Variants in RABGAP1L observed in about 807,000 individuals in gnomAD.
The protein encoded by RABGAP1L is rab GTPase-activating protein 1-like.
Under a neutral mutation model 137.7 loss-of-function variants are expected in RABGAP1L, and 63 were observed. That is an observed-to-expected ratio of 0.46 (90% CI 0.37 to 0.56). The LOEUF is 0.56. Among genes scored for constraint, RABGAP1L ranks in the 20% least tolerant of loss-of-function variants. RABGAP1L has a pLI of 0.00. For missense variants in RABGAP1L, 1,095 were observed against 1,244.0 expected (o/e 0.88, Z 1.80); for synonymous variants, 431 against 433.7 (o/e 0.99, Z 0.08).
intron 18 of RABGAP1L, chr1:174,800,245 A>G: frequency 6.8e-7 from 1 of 1,462,474 alleles, no homozygotes; most frequent in Non-Finnish European, 9.0e-7. Flanking sequence ...TCCCAGGGAG[A>G]CCTAAACCTG....
At chr1:174,259,939 ATTC>A (rs1673446861) in intron 7 of RABGAP1L, among the ~76,000 whole-genome samples, 1 of 151,880 alleles carries the variant, frequency 6.6e-6, no homozygotes, top group South Asian at 2.1e-4. Context: ...GGTTCAAGCA[ATTC>A]TTCTGCCTCA....
intron 14 of RABGAP1L, among the ~76,000 whole-genome samples, chr1:174,642,351 G>T (rs1420474061): frequency 1.3e-5 from 2 of 152,062 alleles, no homozygotes; most frequent in Admixed American, 1.3e-4. Flanking sequence ...AAAAACTAGA[G>T]CAGTTAAAGT....
chr1:174,308,522 T>C (rs944993152), intron 11 of RABGAP1L, among the ~76,000 whole-genome samples: 19 of 152,160 alleles, frequency 1.2e-4, no homozygotes, highest in African/African-American at 4.6e-4. Flanking sequence ...CTTTAATCCA[T>C]TTTTAGTTTA....
intron 19 of RABGAP1L, among the ~76,000 whole-genome samples, chr1:174,951,017 A>G (rs1467804557): frequency 6.6e-6 from 1 of 152,224 alleles, no homozygotes; most frequent in African/African-American, 2.4e-5. Flanking sequence ...AAAACTGAGC[A>G]CAGGAGAAAT....
At chr1:174,932,742 T>C (rs1312716377) in intron 19 of RABGAP1L, among the ~76,000 whole-genome samples, 1 of 152,238 alleles carries the variant, frequency 6.6e-6, no homozygotes, top group African/African-American at 2.4e-5. Context: ...TTCAGTATTA[T>C]ATCTTATTCT....
At chr1:174,506,964 A>G (rs1425564967) in intron 13 of RABGAP1L, among the ~76,000 whole-genome samples, 1 of 152,148 alleles carries the variant, frequency 6.6e-6, no homozygotes, top group African/African-American at 2.4e-5. Context: ...TACAAAAATT[A>G]GCTGGATGTG....
intron 3 of RABGAP1L, among the ~76,000 whole-genome samples, chr1:174,227,523 T>C (rs1282511460): frequency 6.6e-6 from 1 of 152,092 alleles, no homozygotes; most frequent in Non-Finnish European, 1.5e-5. Flanking sequence ...TTGATGTAAT[T>C]TTAAATATAT....
chr1:174,443,811 A>G (rs921080475), intron 13 of RABGAP1L, among the ~76,000 whole-genome samples: 1 of 152,060 alleles, frequency 6.6e-6, no homozygotes, highest in East Asian at 1.9e-4. Context: ...GCATAGTTTC[A>G]GGTCTTACCT....
chr1:174,178,484 A>G (rs535196741), intron 1 of RABGAP1L, among the ~76,000 whole-genome samples: 4 of 152,304 alleles, frequency 2.6e-5, no homozygotes, highest in East Asian at 1.9e-4. Flanking sequence ...ATTACTGGGT[A>G]TATACCCAAA....
At chr1:174,555,190 A>G (rs1193778219) in intron 13 of RABGAP1L, among the ~76,000 whole-genome samples, 1 of 152,218 alleles carries the variant, frequency 6.6e-6, no homozygotes, top group African/African-American at 2.4e-5. Context: ...GGAATAGACT[A>G]TAAATTTAGG....
At chr1:174,319,759 GTA>G (rs1679771321) in intron 11 of RABGAP1L, among the ~76,000 whole-genome samples, 1 of 152,130 alleles carries the variant, frequency 6.6e-6, no homozygotes, top group Non-Finnish European at 1.5e-5. Context: ...TCATGAATAA[GTA>G]TTGGATTTTG....
At chr1:174,556,321 A>G (rs1572312064) in intron 13 of RABGAP1L, among the ~76,000 whole-genome samples, 1 of 152,260 alleles carries the variant, frequency 6.6e-6, no homozygotes, top group East Asian at 1.9e-4. Flanking sequence ...AAATTATTTC[A>G]TTACATATGT....
intron 17 of RABGAP1L, among the ~76,000 whole-genome samples, chr1:174,716,899 T>G (rs1217427246): frequency 2.6e-5 from 4 of 152,232 alleles, no homozygotes; most frequent in Non-Finnish European, 5.9e-5. Context: ...GTAGTTTGTT[T>G]ACTTACTTAC....
chr1:174,478,697 A>G (rs963378289), intron 13 of RABGAP1L, among the ~76,000 whole-genome samples: 1 of 152,224 alleles, frequency 6.6e-6, no homozygotes, highest in Non-Finnish European at 1.5e-5. Flanking sequence ...TTATAAATGA[A>G]TAAGTTCTTT....
chr1:174,394,407 T>C (rs1647560260), intron 13 of RABGAP1L, among the ~76,000 whole-genome samples: 1 of 152,230 alleles, frequency 6.6e-6, no homozygotes, highest in African/African-American at 2.4e-5. Context: ...GGAATATATT[T>C]ATATTTCAAG....
intron 13 of RABGAP1L, among the ~76,000 whole-genome samples, chr1:174,611,301 A>C (rs1199890472): frequency 6.6e-6 from 1 of 151,498 alleles, no homozygotes. Flanking sequence ...AGCACCATTT[A>C]TTAAATAGGG....
At chr1:174,609,947 C>A (rs1332387180) in intron 13 of RABGAP1L, among the ~76,000 whole-genome samples, 2 of 151,098 alleles carry the variant, frequency 1.3e-5, no homozygotes, top group East Asian at 3.9e-4. Flanking sequence ...GATAGAGATC[C>A]ATTTTGTTTT....
intron 23 of RABGAP1L, among the ~76,000 whole-genome samples, chr1:174,981,261 A>G (rs1270646078): frequency 6.6e-6 from 1 of 152,162 alleles, no homozygotes; most frequent in Non-Finnish European, 1.5e-5. Flanking sequence ...CTCTATGCAT[A>G]ATGTTTTGGC....
chr1:174,562,640 G>A (rs1021995453), intron 13 of RABGAP1L, among the ~76,000 whole-genome samples: 2 of 152,120 alleles, frequency 1.3e-5, no homozygotes, highest in Admixed American at 6.6e-5. Flanking sequence ...ATAAAGAAAT[G>A]TGGCACGTAT....
Sources: gnomAD v4.1 joint callset for allele counts (sites outside exome capture counted in the v4.1 genomes callset) on GRCh38, gnomAD v4.1.1 for gene constraint, MANE v1.5 for transcripts, NCBI Gene and HGNC (gene_info 2026-07-23, HGNC 2026-07-21) for gene names.